PTPRD: variants seen among roughly 807,000 people sequenced by gnomAD.
PTPRD encodes receptor-type tyrosine-protein phosphatase delta.
In PTPRD, 34 loss-of-function variants were observed where a neutral mutation model predicts 214.5. That is an observed-to-expected ratio of 0.16 (90% CI 0.12 to 0.21). The LOEUF is 0.21. PTPRD is among the 10% of genes least tolerant of loss of function. PTPRD has a pLI of 1.00. For missense variants in PTPRD, 2,545 were observed against 2,398.7 expected (o/e 1.06, Z -1.27); for synonymous variants, 1,128 against 845.7 (o/e 1.33, Z -5.79).
At chr9:8,490,197 A>AAGCAG (rs1428872367) in intron 27 of PTPRD, among the ~76,000 whole-genome samples, 1 of 152,186 alleles carries the variant, frequency 6.6e-6, no homozygotes, top group Non-Finnish European at 1.5e-5. Context: ...ACATTGGAAG[A>AAGCAG]AGCAGAGAAG....
At chr9:9,536,512 C>T (rs533601004) in intron 8 of PTPRD, among the ~76,000 whole-genome samples, 2 of 152,098 alleles carry the variant, frequency 1.3e-5, no homozygotes, top group South Asian at 4.1e-4. Flanking sequence ...CCAATCAACC[C>T]GTTTAAGATT....
At chr9:9,528,072 T>G (rs990110303) in intron 8 of PTPRD, among the ~76,000 whole-genome samples, 1 of 152,214 alleles carries the variant, frequency 6.6e-6, no homozygotes, top group African/African-American at 2.4e-5. Context: ...TCCAGCCATC[T>G]TGTGAAATTG....
At chr9:10,245,247 A>T (rs1014120668) in intron 3 of PTPRD, among the ~76,000 whole-genome samples, 1 of 152,152 alleles carries the variant, frequency 6.6e-6, no homozygotes, top group African/African-American at 2.4e-5. Flanking sequence ...ACCTGTGTAA[A>T]GCAGAGACAG....
chr9:8,331,779 CAGG>C, intron 43 of PTPRD, 43 bp from the exon 44 acceptor site: 1 of 1,527,622 alleles, frequency 6.5e-7, no homozygotes. Context: ...AGGAAGACGC[CAGG>C]AGGATTCAGC....
chr9:9,005,513 T>G (rs1415147938), intron 11 of PTPRD, among the ~76,000 whole-genome samples: 1 of 152,046 alleles, frequency 6.6e-6, no homozygotes, highest in Non-Finnish European at 1.5e-5. Flanking sequence ...GCATCCTGAA[T>G]GAACCACCCA....
chr9:9,877,466 A>G (rs1338353514), intron 5 of PTPRD, among the ~76,000 whole-genome samples: 1 of 152,126 alleles, frequency 6.6e-6, no homozygotes, highest in Non-Finnish European at 1.5e-5. Context: ...TTCTTGAATG[A>G]TATGTTAGAA....
intron 10 of PTPRD, among the ~76,000 whole-genome samples, chr9:9,034,411 C>A (rs940185537): frequency 2.0e-5 from 3 of 152,252 alleles, no homozygotes; most frequent in African/African-American, 7.2e-5. Context: ...GTTTTCAATG[C>A]CTAACCTGGG....
intron 9 of PTPRD, among the ~76,000 whole-genome samples, chr9:9,357,001 T>G (rs535742962): frequency 1.9e-4 from 28 of 151,262 alleles, no homozygotes; most frequent in Non-Finnish European, 3.4e-4. Flanking sequence ...CAAGGGGGAT[T>G]TGGGTCTCAA....
At chr9:10,132,985 G>A (rs2154259815) in intron 3 of PTPRD, among the ~76,000 whole-genome samples, 1 of 152,244 alleles carries the variant, frequency 6.6e-6, no homozygotes, top group East Asian at 1.9e-4. Context: ...CCTTGGCATT[G>A]TCTCTCTTTC....
At chr9:9,744,068 G>C (rs1051491212) in intron 6 of PTPRD, among the ~76,000 whole-genome samples, 2 of 151,856 alleles carry the variant, frequency 1.3e-5, no homozygotes, top group Non-Finnish European at 2.9e-5. Flanking sequence ...ACTTAACAGC[G>C]TTTCTTTAAG....
intron 9 of PTPRD, among the ~76,000 whole-genome samples, chr9:9,193,010 A>T (rs1234751445): frequency 6.6e-6 from 1 of 152,096 alleles, no homozygotes; most frequent in Non-Finnish European, 1.5e-5. Context: ...AACCAGATTG[A>T]TTCACATTTA....
Position 8,536,112 on chromosome 9 carries a change from T to C in PTPRD, c.353-7333A>G, listed in dbSNP as rs565479778. Among the ~76,000 whole-genome samples, 18 of 152,120 alleles carry C rather than the reference T, an allele frequency of 1.2e-4. No homozygotes were observed. The East Asian group carries it at 3.5e-3, about 29-fold the overall frequency. On this transcript the variant is annotated intron_variant, in intron 14 of 45. Transcript: ENST00000381196. ...CTCAGTAATATTGTTATTTGTTTCATATCCTACATGTAGTAAAAAATTAAA... is the reference window on the plus strand; with the variant it reads ...CTCAGTAATATTGTTATTTGTTTCACATCCTACATGTAGTAAAAAATTAAA...
At chr9:9,086,453 C>A (rs1045662384) in intron 10 of PTPRD, among the ~76,000 whole-genome samples, 1 of 152,174 alleles carries the variant, frequency 6.6e-6, no homozygotes, top group African/African-American at 2.4e-5. Flanking sequence ...ATTTCTGTCT[C>A]ACATCACCCT....
chr9:10,467,812 T>A (rs775591740), intron 2 of PTPRD, among the ~76,000 whole-genome samples: 7 of 152,088 alleles, frequency 4.6e-5, no homozygotes, highest in Non-Finnish European at 7.4e-5. Flanking sequence ...AAAACAAACC[T>A]AATTTATTTT....
chr9:8,877,043 C>T (rs113234198), intron 11 of PTPRD, among the ~76,000 whole-genome samples: 2 of 152,012 alleles, frequency 1.3e-5, no homozygotes, highest in African/African-American at 2.4e-5. Flanking sequence ...TCTCCTGCCT[C>T]AGCCTCCCGA....
rs951959641 is a variant in PTPRD at position 10,198,825 on chromosome 9, G to A, written c.-545+142138C>T. Among the ~76,000 whole-genome samples the A allele has an allele frequency of 7.9e-5, 12 of 151,894 alleles. No homozygotes were observed. In the East Asian group the frequency reaches 9.6e-4, roughly 12 times the overall value. ...TTACAAAATTGGCTTAAATATTACC[G>A]TTGTAAATGTATGAGATGAGATTTA... On this transcript the variant is annotated intron_variant, in intron 3 of 45. Coordinates refer to ENST00000381196, the MANE Select transcript of PTPRD (RefSeq NM_002839.4).
At chr9:10,059,344 G>A (rs796804923) in intron 3 of PTPRD, among the ~76,000 whole-genome samples, 9 of 152,126 alleles carry the variant, frequency 5.9e-5, no homozygotes, top group African/African-American at 1.9e-4. Flanking sequence ...GTAAATTTAA[G>A]AGAAACATAT....
rs570906007 is a variant in PTPRD, at chr9:10,075,879, C to T, written c.-544-42089G>A. 9.2e-5 allele frequency among the ~76,000 whole-genome samples: 14 copies of T among 152,112 alleles called. No homozygotes were observed. The South Asian group carries it at 1.0e-3, about 11-fold the overall frequency. Reference sequence around the variant, plus strand: ...AAGATATCTGCTTCATCTTCTATAACGATATGTTATGAATATATTTTCTTC... The same window carrying T: ...AAGATATCTGCTTCATCTTCTATAATGATATGTTATGAATATATTTTCTTC... On this transcript the variant is annotated intron_variant, in intron 3 of 45. Transcript: ENST00000381196.
chr9:9,800,537 G>T (rs990603587), intron 5 of PTPRD: 6 of 152,108 alleles, frequency 3.9e-5, no homozygotes, highest in Admixed American at 3.9e-4. Context: ...TATAACTAAT[G>T]AATTATAGGT....
Sources: allele counts gnomAD v4.1 joint callset (sites outside exome capture counted in the v4.1 genomes callset), GRCh38; gene constraint gnomAD v4.1.1; transcripts MANE v1.5; gene names NCBI Gene and HGNC (gene_info 2026-07-23, HGNC 2026-07-21).